The following FAM13B variants were observed in gnomAD, a reference collection of about 807,000 sequenced individuals.
FAM13B encodes protein FAM13B.
A neutral mutation model predicts 117.3 loss-of-function variants in FAM13B; 60 were observed. That is an observed-to-expected ratio of 0.51 (90% CI 0.42 to 0.63). The LOEUF (loss-of-function observed/expected upper bound fraction) is 0.63, where lower values mean the gene tolerates loss of function less well. FAM13B is among the 30% of genes least tolerant of loss of function. The pLI, the probability that FAM13B is intolerant of heterozygous loss-of-function variation, is 0.00. For missense variants in FAM13B, 972 were observed against 1,091.9 expected (o/e 0.89, Z 1.55); for synonymous variants, 332 against 356.1 (o/e 0.93, Z 0.76).
intron 19 of FAM13B, 80 bp from the exon 20 acceptor site, chr5:137,946,077 C>G (rs1763340644): frequency 7.4e-7 from 1 of 1,351,344 alleles, no homozygotes; most frequent in African/African-American, 1.5e-5. Flanking sequence ...CTTATTCGCC[C>G]AATTTCAAAT....
chr5:137,998,344 G>A (rs973023991), intron 7 of FAM13B, among the ~76,000 whole-genome samples: 7 of 152,194 alleles, frequency 4.6e-5, no homozygotes, highest in Admixed American at 6.5e-5. Flanking sequence ...GGGCCAGTCC[G>A]TGACAGAGAA....
At chr5:137,954,464 A>T in intron 14 of FAM13B, 88 bp from the exon 15 acceptor site, 1 of 934,634 alleles carries the variant, frequency 1.1e-6, no homozygotes, top group South Asian at 1.6e-5. Flanking sequence ...GTGTTCCTTA[A>T]ATCATATCAT....
chr5:137,976,407 G>C (rs867176758), intron 10 of FAM13B, among the ~76,000 whole-genome samples: 18 of 152,092 alleles, frequency 1.2e-4, no homozygotes, highest in South Asian at 8.3e-4. Context: ...ATCACTAAAT[G>C]CAATAAATTT....
intron 10 of FAM13B, among the ~76,000 whole-genome samples, chr5:137,969,641 T>G (rs1771382827): frequency 6.6e-6 from 1 of 152,154 alleles, no homozygotes; most frequent in Non-Finnish European, 1.5e-5. Flanking sequence ...AGAAGAAGGC[T>G]TCAGACGATC....
At chr5:137,981,652 G>A (rs1775787178) in intron 10 of FAM13B, among the ~76,000 whole-genome samples, 1 of 152,004 alleles carries the variant, frequency 6.6e-6, no homozygotes, top group African/African-American at 2.4e-5. Context: ...CGGGCGTGGT[G>A]GCACATGCCT....
intron 7 of FAM13B, among the ~76,000 whole-genome samples, chr5:137,999,256 G>A (rs911007089): frequency 6.6e-6 from 1 of 152,108 alleles, no homozygotes; most frequent in East Asian, 1.9e-4. Context: ...TGGGACCACA[G>A]CACATGACAC....
chr5:137,947,905 C>G (rs1368570702), intron 18 of FAM13B, among the ~76,000 whole-genome samples: 1 of 151,726 alleles, frequency 6.6e-6, no homozygotes, highest in East Asian at 1.9e-4. Context: ...TTTTTTTAAG[C>G]AAAAGAAAAG....
chr5:137,968,513 T>C (rs766357135), intron 10 of FAM13B, among the ~76,000 whole-genome samples: 5 of 151,904 alleles, frequency 3.3e-5, no homozygotes, highest in Non-Finnish European at 5.9e-5. Flanking sequence ...CTGTGGTTTA[T>C]GTAGCACCTA....
chr5:138,022,608 T>C (rs1787060380), intron 1 of FAM13B, among the ~76,000 whole-genome samples: 1 of 152,214 alleles, frequency 6.6e-6, no homozygotes, highest in African/African-American at 2.4e-5. Context: ...TCTACCTATC[T>C]ATCCATTTGA....
At chr5:137,991,342 TA>T (rs549035472) in intron 7 of FAM13B, among the ~76,000 whole-genome samples, 89 of 152,350 alleles carry the variant, frequency 5.8e-4, no homozygotes, top group African/African-American at 2.1e-3. Context: ...TGTGTAAGCA[TA>T]AACAACGTGT....
intron 1 of FAM13B, among the ~76,000 whole-genome samples, chr5:138,040,527 G>A (rs1581329263): frequency 6.6e-6 from 1 of 151,942 alleles, no homozygotes; most frequent in African/African-American, 2.4e-5. Context: ...AGCCGAGATC[G>A]CGCCACTGCA....
chr5:138,030,711 T>TCC lies in FAM13B; in HGVS notation c.-203+2069_-203+2070dup, dbSNP rs774765574. ...CCTGGGCAACAAGAATGAAACTCCGTCCCCCCCCCCCAAAAAAAAAAATTG... is the reference window on the plus strand; with the variant it reads ...CCTGGGCAACAAGAATGAAACTCCGTCCCCCCCCCCCCCAAAAAAAAAAATTG... On this transcript the variant is annotated intron_variant, in intron 1 of 23. Coordinates refer to ENST00000689681, the MANE Select transcript of FAM13B (RefSeq NM_001385994.1). Among the ~76,000 whole-genome samples the TCC allele has an allele frequency of 4.0e-3, 390 of 96,540 alleles. 5 individuals are homozygous for TCC. Among genetic ancestry groups the TCC allele is most frequent in the African/African-American group, 0.011 (271 of 25,166 alleles). The allele number at this position is 96,540 out of a possible 152,430, so 63.3% of individuals were successfully genotyped here.
chr5:137,949,838 G>A (rs1764449029), intron 17 of FAM13B, among the ~76,000 whole-genome samples: 1 of 150,928 alleles, frequency 6.6e-6, no homozygotes, highest in Non-Finnish European at 1.5e-5. Flanking sequence ...GCACATGCCT[G>A]TAAGTCCCAG....
At chr5:137,990,211 AAACTT>A (rs1427064092) in intron 7 of FAM13B, among the ~76,000 whole-genome samples, 7 of 152,240 alleles carry the variant, frequency 4.6e-5, no homozygotes, top group Non-Finnish European at 1.0e-4. Context: ...AATCTCTACT[AAACTT>A]AGATAATTCC....
intron 7 of FAM13B, among the ~76,000 whole-genome samples, chr5:137,991,072 A>G (rs1027777010): frequency 1.3e-5 from 2 of 152,218 alleles, no homozygotes; most frequent in African/African-American, 4.8e-5. Context: ...TTTATACCAT[A>G]AAGTATTCTC....
intron 7 of FAM13B, among the ~76,000 whole-genome samples, chr5:138,001,485 G>A (rs901556103): frequency 1.3e-5 from 2 of 152,058 alleles, no homozygotes; most frequent in African/African-American, 4.8e-5. Context: ...ATATTAAATT[G>A]AACATTCAAG....
intron 10 of FAM13B, among the ~76,000 whole-genome samples, chr5:137,968,969 A>G (rs552194929): frequency 3.9e-4 from 60 of 152,320 alleles, no homozygotes; most frequent in African/African-American, 1.3e-3. Flanking sequence ...ACACCCACAG[A>G]GTCTCGCTGA....
At chr5:138,026,228 T>C (rs1788316485) in intron 1 of FAM13B, among the ~76,000 whole-genome samples, 1 of 152,218 alleles carries the variant, frequency 6.6e-6, no homozygotes, top group African/African-American at 2.4e-5. Flanking sequence ...AAATGTTCTA[T>C]GTCATAACTG....
At position 138,026,655 on chromosome 5, in the gene FAM13B, A is replaced by AC. The variant is rs1554082505; in HGVS notation, c.-202-5459_-202-5458insG. Among the ~76,000 whole-genome samples, 1,176 of 121,140 alleles carry AC rather than the reference A, an allele frequency of 9.7e-3. 75 individuals carry two copies. The highest frequency in any genetic ancestry group is 0.017 in the Non-Finnish European group (952 of 57,696). The allele number at this position is 121,140 out of a possible 152,430, so 79.5% of individuals were successfully genotyped here. A position where few individuals can be genotyped will look rare whatever the true frequency, so the allele number is the denominator to read the frequency against. ...AAAAAAAAAAAAAAAAAAAAAAAAA[A>AC]TTGGTCAGGCACTGTGGCTCACACC... On this transcript the variant is annotated intron_variant, in intron 1 of 23. Coordinates refer to ENST00000689681, the MANE Select transcript of FAM13B (RefSeq NM_001385994.1).
Sources: gnomAD v4.1 joint callset for allele counts (sites outside exome capture counted in the v4.1 genomes callset) on GRCh38, gnomAD v4.1.1 for gene constraint, MANE v1.5 for transcripts, NCBI Gene and HGNC (gene_info 2026-07-23, HGNC 2026-07-21) for gene names.